CSGALNACT1: variants seen among roughly 807,000 people sequenced by gnomAD.
CSGALNACT1 encodes beta4GalNAcT-1.
A neutral mutation model predicts 51.0 loss-of-function variants in CSGALNACT1; 52 were observed. The observed-to-expected ratio is 1.02, with a 90% CI of 0.82 to 1.29. The LOEUF is 1.29. CSGALNACT1 is among the 50% of genes most tolerant of loss of function. The pLI is 0.00. For synonymous variants in CSGALNACT1, 341 were observed against 254.4 expected, an observed-to-expected ratio of 1.34 and a Z score of -3.24; for missense variants, 935 against 679.2, an observed-to-expected ratio of 1.38 and a Z score of -4.19.
intron 5 of CSGALNACT1, among the ~76,000 whole-genome samples, chr8:19,440,804 T>G (rs975388948): frequency 6.6e-6 from 1 of 152,060 alleles, no homozygotes; most frequent in South Asian, 2.1e-4. Context: ...GACATGATTG[T>G]ATATCTAGAA....
intron 1 of CSGALNACT1, among the ~76,000 whole-genome samples, chr8:19,632,003 T>C (rs898576055): frequency 2.6e-5 from 4 of 152,236 alleles, no homozygotes; most frequent in African/African-American, 9.6e-5. Flanking sequence ...ACACCTGCTA[T>C]GGCCTGAATT....
At chr8:19,591,496 T>C (rs1274882468) in intron 2 of CSGALNACT1, among the ~76,000 whole-genome samples, 1 of 152,248 alleles carries the variant, frequency 6.6e-6, no homozygotes, top group African/African-American at 2.4e-5. Flanking sequence ...CTTCAATTTA[T>C]TCAACTGAAG....
At chr8:19,560,176 TG>T (rs2040387980) in intron 3 of CSGALNACT1, among the ~76,000 whole-genome samples, 1 of 152,186 alleles carries the variant, frequency 6.6e-6, no homozygotes, top group South Asian at 2.1e-4. Context: ...TTTCACTAAA[TG>T]GAACTAGAGT....
At chr8:19,689,647 T>C (rs145084020) in intron 1 of CSGALNACT1, among the ~76,000 whole-genome samples, 276 of 152,328 alleles carry the variant, frequency 1.8e-3, no homozygotes, top group African/African-American at 6.5e-3. Flanking sequence ...TAGGAGGCCA[T>C]TGATTTAGAC....
intron 3 of CSGALNACT1, among the ~76,000 whole-genome samples, chr8:19,514,160 C>A (rs940036156): frequency 5.9e-5 from 9 of 152,080 alleles, no homozygotes; most frequent in Non-Finnish European, 1.3e-4. Flanking sequence ...CTAAGAGGTG[C>A]TTGAGCCAAA....
chr8:19,564,814 A>C (rs2041572266), intron 3 of CSGALNACT1, among the ~76,000 whole-genome samples: 1 of 152,208 alleles, frequency 6.6e-6, no homozygotes, highest in Non-Finnish European at 1.5e-5. Flanking sequence ...ACCTTGCCCC[A>C]TGAGAATGTA....
At chr8:19,458,617 T>C in exon 5 of CSGALNACT1, 2 of 1,614,176 alleles carry the variant, frequency 1.2e-6, no homozygotes, top group Middle Eastern at 1.6e-4. Context: ...ACAATGTCCC[T>C]TTGTCCCTTT....
intron 1 of CSGALNACT1, among the ~76,000 whole-genome samples, chr8:19,741,166 C>A (rs912979848): frequency 6.6e-6 from 1 of 152,200 alleles, no homozygotes; most frequent in African/African-American, 2.4e-5. Flanking sequence ...ATCTAATCTA[C>A]TTTAATCATC....
chr8:19,524,285 C>T (rs2081260285), intron 3 of CSGALNACT1, among the ~76,000 whole-genome samples: 1 of 152,154 alleles, frequency 6.6e-6, no homozygotes, highest in African/African-American at 2.4e-5. Flanking sequence ...GATCCTGTCT[C>T]TGAAAAAACA....
At chr8:19,647,524 C>G (rs761016837) in intron 1 of CSGALNACT1, among the ~76,000 whole-genome samples, 3 of 152,218 alleles carry the variant, frequency 2.0e-5, no homozygotes, top group Admixed American at 6.5e-5. Context: ...TCTGAATACT[C>G]TAAGAGAGCC....
intron 3 of CSGALNACT1, chr8:19,588,133 T>C (rs1345313863): frequency 6.6e-6 from 1 of 151,846 alleles, no homozygotes; most frequent in Non-Finnish European, 1.5e-5. Context: ...GGAGGTAGGT[T>C]TCAGTAAGCA....
chr8:19,630,410 C>T (rs1329273334), intron 1 of CSGALNACT1, among the ~76,000 whole-genome samples: 3 of 151,744 alleles, frequency 2.0e-5, no homozygotes, highest in Non-Finnish European at 4.4e-5. Context: ...TCCCAACCAC[C>T]CCCATCAGTT....
At chr8:19,666,975 GAAA>G (rs1564385202) in intron 1 of CSGALNACT1, among the ~76,000 whole-genome samples, 208 of 11,020 alleles carry the variant, frequency 0.019, 7 homozygotes, top group African/African-American at 0.073. Context: ...AAGAAAGAAA[GAAA>G]GAAAGAAAGA....
At chr8:19,489,501 T>A (rs958249248) in intron 4 of CSGALNACT1, among the ~76,000 whole-genome samples, 1 of 152,200 alleles carries the variant, frequency 6.6e-6, no homozygotes, top group African/African-American at 2.4e-5. Flanking sequence ...GTCTTCTTCC[T>A]ATCCCCTCTG....
intron 3 of CSGALNACT1, among the ~76,000 whole-genome samples, chr8:19,539,219 C>A (rs752135710): frequency 6.6e-6 from 1 of 151,948 alleles, no homozygotes; most frequent in Non-Finnish European, 1.5e-5. Flanking sequence ...ACATCTACAC[C>A]CTTAGCAAAC....
chr8:19,423,445 G>A (rs1425789536), intron 6 of CSGALNACT1, among the ~76,000 whole-genome samples: 1 of 152,164 alleles, frequency 6.6e-6, no homozygotes, highest in Non-Finnish European at 1.5e-5. Flanking sequence ...TGGTGTGCAT[G>A]CTTACCTAAT....
At chr8:19,511,622 G>T (rs1007577485) in intron 3 of CSGALNACT1, among the ~76,000 whole-genome samples, 4 of 152,154 alleles carry the variant, frequency 2.6e-5, no homozygotes, top group Admixed American at 6.5e-5. Context: ...GTTCCAAGAT[G>T]GCCCTCAATG....
At chr8:19,730,244 T>C (rs962807162) in intron 1 of CSGALNACT1, among the ~76,000 whole-genome samples, 1 of 151,154 alleles carries the variant, frequency 6.6e-6, no homozygotes, top group African/African-American at 2.4e-5. Context: ...TAAATCAGAA[T>C]GCTCAGAACC....
intron 1 of CSGALNACT1, among the ~76,000 whole-genome samples, chr8:19,741,155 T>A (rs1230594577): frequency 6.6e-6 from 1 of 152,204 alleles, no homozygotes; most frequent in Non-Finnish European, 1.5e-5. Flanking sequence ...GCCCATAACC[T>A]ATCTAATCTA....
Sources: gnomAD v4.1 joint callset for allele counts (sites outside exome capture counted in the v4.1 genomes callset) on GRCh38, gnomAD v4.1.1 for gene constraint, MANE v1.5 for transcripts, NCBI Gene and HGNC (gene_info 2026-07-23, HGNC 2026-07-21) for gene names.